DPYD: variants seen among roughly 807,000 people sequenced by gnomAD.
The protein encoded by DPYD is dihydropyrimidine dehydrogenase [NADP(+)].
Under a neutral mutation model 116.2 loss-of-function variants are expected in DPYD, and 109 were observed. The observed-to-expected ratio is 0.94, with a 90% CI of 0.80 to 1.10. The LOEUF (loss-of-function observed/expected upper bound fraction) is 1.10. Among genes scored for constraint, DPYD ranks in the 50% least tolerant of loss-of-function variants. The pLI, the probability that DPYD is intolerant of heterozygous loss-of-function variation, is 0.00. For synonymous variants in DPYD, 440 were observed against 432.0 expected, an observed-to-expected ratio of 1.02 and a Z score of -0.23; for missense variants, 1,302 against 1,254.5, an observed-to-expected ratio of 1.04 and a Z score of -0.57.
intron 14 of DPYD, among the ~76,000 whole-genome samples, chr1:97,429,677 A>G (rs1459159990): frequency 2.6e-5 from 4 of 152,124 alleles, no homozygotes; most frequent in Non-Finnish European, 5.9e-5. Flanking sequence ...AATTAGTGAT[A>G]AAGTATGTCT....
chr1:97,485,572 C>G (rs1329460103), intron 13 of DPYD, among the ~76,000 whole-genome samples: 1 of 152,076 alleles, frequency 6.6e-6, no homozygotes, highest in Non-Finnish European at 1.5e-5. Context: ...TATTTTCTAT[C>G]TCCTTTCTTC....
intron 13 of DPYD, among the ~76,000 whole-genome samples, chr1:97,495,672 T>A (rs1052155035): frequency 6.6e-6 from 1 of 152,016 alleles, no homozygotes. Flanking sequence ...TAAGATTTTC[T>A]TTTACAGCTG....
rs145868186 is a variant in DPYD at position 97,464,238 on chromosome 1, C to CAAAATAAAATAAAATAAAATAAAAT, written c.1741-14040_1741-14016dup. 2.7e-3 allele frequency among the ~76,000 whole-genome samples: 374 copies of CAAAATAAAATAAAATAAAATAAAAT among 138,682 alleles called. 1 individual carries two copies. The highest frequency in any genetic ancestry group is 3.7e-3 in the Non-Finnish European group (237 of 64,766). 91.0% of individuals were successfully genotyped at this position (138,682 alleles called of 152,430 possible). A position where few individuals can be genotyped will look rare whatever the true frequency, so the allele number is the denominator to read the frequency against. On this transcript the variant is annotated intron_variant, in intron 13 of 22. Transcript: ENST00000370192. ...TGGGCAACAGAGCAAGACTCTGTCT[C>CAAAATAAAATAAAATAAAATAAAAT]AAAATAAAATAAAATAAAATAAAAT...
chr1:97,355,709 C>T (rs956392052), intron 16 of DPYD, among the ~76,000 whole-genome samples: 3 of 152,146 alleles, frequency 2.0e-5, no homozygotes, highest in African/African-American at 2.4e-5. Flanking sequence ...CCTTCCTTCA[C>T]GTAACATGTT....
At chr1:97,270,661 G>A (rs879244631) in intron 18 of DPYD, among the ~76,000 whole-genome samples, 1 of 152,118 alleles carries the variant, frequency 6.6e-6, no homozygotes, top group Admixed American at 6.6e-5. Flanking sequence ...GTGAACACTG[G>A]GAATTTGTCT....
At chr1:97,542,150 A>C (rs557349987) in intron 12 of DPYD, among the ~76,000 whole-genome samples, 2 of 152,130 alleles carry the variant, frequency 1.3e-5, no homozygotes, top group Non-Finnish European at 1.5e-5. Context: ...CAATCTCATC[A>C]TGTTCTACTC....
intron 3 of DPYD, among the ~76,000 whole-genome samples, chr1:97,815,087 AAAGAGAAGAGAAG>A (rs1668528765): frequency 1.1e-4 from 1 of 9,356 alleles, no homozygotes. Context: ...AGAAGAAAGA[AAAGAGAAGAGAAG>A]AGAAAAGAGA....
intron 19 of DPYD, among the ~76,000 whole-genome samples, chr1:97,213,135 C>T (rs556414197): frequency 6.6e-6 from 1 of 152,200 alleles, no homozygotes; most frequent in South Asian, 2.1e-4. Context: ...GGGCACCACC[C>T]TCTGACCTAT....
chr1:97,619,089 T>C (rs1341662638), intron 8 of DPYD, among the ~76,000 whole-genome samples: 1 of 152,206 alleles, frequency 6.6e-6, no homozygotes, highest in Non-Finnish European at 1.5e-5. Context: ...CAGGTTGTTA[T>C]AAGGATTATA....
intron 13 of DPYD, among the ~76,000 whole-genome samples, chr1:97,458,223 T>C (rs939301622): frequency 3.3e-5 from 5 of 152,160 alleles, no homozygotes; most frequent in Admixed American, 2.0e-4. Flanking sequence ...AATCTTTACT[T>C]TTAAGAAAAC....
intron 11 of DPYD, among the ~76,000 whole-genome samples, chr1:97,571,624 T>C (rs1652900076): frequency 6.6e-6 from 1 of 151,934 alleles, no homozygotes; most frequent in African/African-American, 2.4e-5. Flanking sequence ...TATGTGATAA[T>C]CACTAGGTAC....
At chr1:97,143,170 T>C (rs1001374294) in intron 20 of DPYD, among the ~76,000 whole-genome samples, 9 of 152,076 alleles carry the variant, frequency 5.9e-5, no homozygotes, top group Non-Finnish European at 8.8e-5. Flanking sequence ...AGGGCCATAA[T>C]ATACTATTTT....
chr1:97,668,225 T>C (rs1442121126), intron 8 of DPYD, among the ~76,000 whole-genome samples: 1 of 152,140 alleles, frequency 6.6e-6, no homozygotes, highest in Non-Finnish European at 1.5e-5. Context: ...AAAGCATAAA[T>C]AAATTTTAAA....
chr1:97,336,702 A>T (rs1669300910), intron 16 of DPYD, among the ~76,000 whole-genome samples: 1 of 152,210 alleles, frequency 6.6e-6, no homozygotes, highest in Non-Finnish European at 1.5e-5. Context: ...GTGAGCTGAG[A>T]TTGCACCACT....
intron 16 of DPYD, among the ~76,000 whole-genome samples, chr1:97,314,490 C>CTTTTTTTTTTTTTTTTTTTTTT (rs66629750): frequency 1.6e-5 from 2 of 123,412 alleles, no homozygotes; most frequent in Non-Finnish European, 1.6e-5. Flanking sequence ...CTAAAGCTTT[C>CTTTTTTTTTTTTTTTTTTTTTT]TTTTTTTTTT....
In DPYD at chr1:97,161,285, A is replaced by G. The variant is rs546411945; in HGVS notation, c.2622+31784T>C. ...TATACCACTATTGTTGAATGTTTTC[A>G]TTTTTAATGTTAAAAGCTCTGTCAC... On this transcript the variant is annotated intron_variant, in intron 20 of 22. Coordinates refer to ENST00000370192, the MANE Select transcript of DPYD (RefSeq NM_000110.4). Among the ~76,000 whole-genome samples the G allele has an allele frequency of 1.7e-4, 26 of 152,254 alleles. No homozygotes were observed. In the East Asian group the frequency reaches 4.8e-3, roughly 28 times the overall value.
intron 20 of DPYD, among the ~76,000 whole-genome samples, chr1:97,139,535 G>A (rs1253139133): frequency 1.3e-5 from 2 of 152,130 alleles, no homozygotes; most frequent in Non-Finnish European, 2.9e-5. Context: ...TCTTGGACCT[G>A]TCTTTACAAA....
intron 20 of DPYD, among the ~76,000 whole-genome samples, chr1:97,182,476 C>G (rs1305512112): frequency 6.6e-6 from 1 of 152,066 alleles, no homozygotes; most frequent in Non-Finnish European, 1.5e-5. Context: ...CTCATGTGAT[C>G]TGACTACAAT....
At chr1:97,400,543 C>T (rs1043853544) in intron 14 of DPYD, among the ~76,000 whole-genome samples, 3 of 152,126 alleles carry the variant, frequency 2.0e-5, no homozygotes, top group Non-Finnish European at 4.4e-5. Context: ...CCTTCTTGCA[C>T]CTCTGGTAGA....
Sources: allele counts gnomAD v4.1 joint callset (sites outside exome capture counted in the v4.1 genomes callset), GRCh38; gene constraint gnomAD v4.1.1; transcripts MANE v1.5; gene names NCBI Gene and HGNC (gene_info 2026-07-23, HGNC 2026-07-21).